Variants in PLCE1 observed in about 807,000 individuals in gnomAD.
PLCE1 encodes 1-phosphatidylinositol 4,5-bisphosphate phosphodiesterase epsilon-1.
PLCE1 carries 119 observed loss-of-function variants against 242.8 expected under a neutral mutation model. That is an observed-to-expected ratio of 0.49 (90% confidence interval 0.42 to 0.57). PLCE1 has a LOEUF of 0.57. Among genes scored for constraint, PLCE1 ranks in the 20% least tolerant of loss-of-function variants. The pLI, the probability that PLCE1 is intolerant of heterozygous loss-of-function variation, is 0.00. For synonymous variants in PLCE1, 945 were observed against 1,017.4 expected, an observed-to-expected ratio of 0.93 and a Z score of 1.35; for missense variants, 2,441 against 2,788.8, an observed-to-expected ratio of 0.88 and a Z score of 2.81.
chr10:94,284,883 T>C lies in PLCE1; in HGVS notation c.4953T>C (p.Leu1651=). Residue 1651 remains leucine, a synonymous_variant, in exon 22 of 33, where the codon CTT becomes CTC. Coordinates refer to ENST00000371380, the MANE Select transcript of PLCE1 (RefSeq NM_016341.4). The part of the protein sequence containing the change: ...YDMELGEEFY[L]DQNKKESRQI... ...TGGAACTGGGAGAAGAATTTTATCT[T>C]GATCAGAATAAAAAGGAAAGCAGAC... 1.2e-6 allele frequency: 2 copies of C among 1,609,904 alleles called. No individual in the cohort carries two copies. The highest frequency in any genetic ancestry group is 2.2e-5 in the South Asian group (2 of 90,988).
chr10:94,279,988 T>A, intron 20 of PLCE1, 77 bp downstream of exon 20: 1 of 1,475,018 alleles, frequency 6.8e-7, no homozygotes, highest in East Asian at 2.3e-5. Context: ...CTAAAATAAG[T>A]CTAGAGCGCC....
At chr10:94,189,071 T>C (rs1263929474) in intron 4 of PLCE1, among the ~76,000 whole-genome samples, 1 of 151,054 alleles carries the variant, frequency 6.6e-6, no homozygotes, top group Non-Finnish European at 1.5e-5. Flanking sequence ...TCTTTCCACT[T>C]GTGTATTGAT....
At chr10:94,138,202 C>T in intron 3 of PLCE1, 2 of 348,436 alleles carry the variant, frequency 5.7e-6, no homozygotes. Flanking sequence ...ACAGTCTTGG[C>T]CCTCCTGGAC....
intron 2 of PLCE1, among the ~76,000 whole-genome samples, chr10:94,071,608 C>T (rs961760556): frequency 6.8e-5 from 10 of 147,120 alleles, no homozygotes; most frequent in African/African-American, 1.3e-4. Context: ...GTGATCCTCC[C>T]GCTACTCATC....
At chr10:94,143,051 G>C (rs1210841590) in intron 3 of PLCE1, among the ~76,000 whole-genome samples, 2 of 152,190 alleles carry the variant, frequency 1.3e-5, no homozygotes, top group African/African-American at 2.4e-5. Flanking sequence ...TGTTATAATT[G>C]AAATAAGCAC....
At chr10:94,258,063 T>C (rs947105507) in intron 11 of PLCE1, among the ~76,000 whole-genome samples, 1 of 152,234 alleles carries the variant, frequency 6.6e-6, no homozygotes, top group Admixed American at 6.5e-5. Context: ...TATTTCTACA[T>C]TGAATAGATG....
chr10:94,232,224 A>G (rs181444882), intron 5 of PLCE1, among the ~76,000 whole-genome samples: 28 of 152,276 alleles, frequency 1.8e-4, no homozygotes, highest in African/African-American at 6.7e-4. Context: ...GGTGTTTGTC[A>G]TGTTGTACTT....
In PLCE1 at chr10:94,316,704, G is replaced by A; in HGVS notation, c.6290G>A (p.Trp2097Ter). 1 of 1,614,082 alleles carries A rather than the reference G, an allele frequency of 6.2e-7. No individual in the cohort carries two copies. The highest frequency in any genetic ancestry group is 8.5e-7 in the Non-Finnish European group (1 of 1,179,974). ...GAGATCATGCAAATTTTAAGCAGCT[G>A]GTTTCCAGAAGAGGGATACATGGGC... ...EEEIMQILSS[W>*]FPEEGYMGRI... The change falls in exon 29 of 33, where the codon TGG becomes TAG. Residue 2097 changes from tryptophan to a stop codon, truncating the protein, a stop_gained. Transcript: ENST00000371380. LOFTEE classifies it high-confidence loss of function.
At chr10:94,132,678 C>A (rs111617656) in intron 3 of PLCE1, among the ~76,000 whole-genome samples, 42 of 151,598 alleles carry the variant, frequency 2.8e-4, no homozygotes, top group African/African-American at 9.6e-4. Flanking sequence ...AGGCCGGGTG[C>A]GGTGGCTCAC....
At chr10:94,064,350 A>AG (rs554356692) in intron 2 of PLCE1, among the ~76,000 whole-genome samples, 44 of 152,252 alleles carry the variant, frequency 2.9e-4, no homozygotes, top group Middle Eastern at 6.8e-3. Context: ...CAGGATTTCA[A>AG]GACCAGCCCA....
chr10:94,129,058 G>A (rs576795181), intron 2 of PLCE1, among the ~76,000 whole-genome samples: 14 of 152,200 alleles, frequency 9.2e-5, no homozygotes, highest in Non-Finnish European at 2.1e-4. Context: ...CAATTGATTT[G>A]TGACCTCCCT....
intron 3 of PLCE1, among the ~76,000 whole-genome samples, chr10:94,166,525 T>C (rs530935987): frequency 5.9e-5 from 9 of 152,088 alleles, no homozygotes; most frequent in Admixed American, 5.2e-4. Context: ...CAGAATCCTG[T>C]AAGGTATTCC....
At chr10:94,088,793 T>C (rs1263894870) in intron 2 of PLCE1, among the ~76,000 whole-genome samples, 1 of 152,176 alleles carries the variant, frequency 6.6e-6, no homozygotes, top group Non-Finnish European at 1.5e-5. Flanking sequence ...ACTAAAACAG[T>C]GAGTAATTGG....
chr10:94,110,553 G>T (rs935344915), intron 2 of PLCE1, among the ~76,000 whole-genome samples: 1 of 152,208 alleles, frequency 6.6e-6, no homozygotes, highest in Non-Finnish European at 1.5e-5. Flanking sequence ...TGAAAGTGAG[G>T]TCTAAAGAAC....
chr10:94,298,108 C>T lies in PLCE1; in HGVS notation c.5168-271C>T, dbSNP rs933896989. Among the ~76,000 whole-genome samples, 1 of 151,970 alleles carries T rather than the reference C, an allele frequency of 6.6e-6. No homozygotes were observed. Among genetic ancestry groups the T allele is most frequent in the Non-Finnish European group, 1.5e-5 (1 of 68,000 alleles). ...CCATGTTGCCCAGGCTGGTCTTGAA[C>T]TTCTGGGCTCAAGCAATCCTCCCAC... On this transcript the variant is annotated intron_variant, in intron 23 of 32. Coordinates refer to ENST00000371380, the MANE Select transcript of PLCE1 (RefSeq NM_016341.4). The surrounding 1 kb of genome is among the most constrained non-coding windows in gnomAD (Gnocchi z 5.2).
At chr10:94,197,153 G>GT (rs2048846595) in intron 4 of PLCE1, among the ~76,000 whole-genome samples, 1 of 152,162 alleles carries the variant, frequency 6.6e-6, no homozygotes, top group South Asian at 2.1e-4. Flanking sequence ...CATCAGCATT[G>GT]TAGCATGAAT....
At chr10:93,995,242 G>C (rs1448833208) in intron 1 of PLCE1, among the ~76,000 whole-genome samples, 1 of 152,188 alleles carries the variant, frequency 6.6e-6, no homozygotes, top group Non-Finnish European at 1.5e-5. Flanking sequence ...GTTATTGTAT[G>C]CATCGATGTC....
intron 2 of PLCE1, among the ~76,000 whole-genome samples, chr10:94,080,529 T>C (rs1055277877): frequency 2.0e-5 from 3 of 152,230 alleles, no homozygotes; most frequent in Non-Finnish European, 1.5e-5. Flanking sequence ...AATGAACAAA[T>C]GAGGCCTGTA....
At chr10:94,039,872 C>T (rs1333969915) in intron 2 of PLCE1, among the ~76,000 whole-genome samples, 1 of 152,076 alleles carries the variant, frequency 6.6e-6, no homozygotes, top group Non-Finnish European at 1.5e-5. Flanking sequence ...ATTATTTGCC[C>T]ATTTTTAAAT....
Sources: allele counts gnomAD v4.1 joint callset (sites outside exome capture counted in the v4.1 genomes callset), GRCh38; gene constraint gnomAD v4.1.1; non-coding constraint Gnocchi (gnomAD v3.1); transcripts MANE v1.5; gene names NCBI Gene and HGNC (gene_info 2026-07-23, HGNC 2026-07-21).